BCL7A: variants seen among roughly 807,000 people sequenced by gnomAD.
BCL7A encodes BAF chromatin remodeling complex subunit BCL7A, also known as B-cell CLL/lymphoma 7 protein family member A.
BCL7A carries 11 observed loss-of-function variants against 28.4 expected under a neutral mutation model. The observed-to-expected ratio is 0.39, with a 90% CI of 0.24 to 0.64. The LOEUF (loss-of-function observed/expected upper bound fraction) is 0.64, where lower values mean the gene tolerates loss of function less well. BCL7A is among the 30% of genes least tolerant of loss of function. The pLI is 0.50. For synonymous variants in BCL7A, 123 were observed against 103.3 expected, an observed-to-expected ratio of 1.19 and a Z score of -1.15; for missense variants, 222 against 274.8, an observed-to-expected ratio of 0.81 and a Z score of 1.36.
chr12:122,024,306 G>A (rs2135836028), intron 1 of BCL7A, among the ~76,000 whole-genome samples: 1 of 152,326 alleles, frequency 6.6e-6, no homozygotes, highest in East Asian at 1.9e-4. Flanking sequence ...TGGTGACCCG[G>A]GGTTTTGTGC....
intron 1 of BCL7A, among the ~76,000 whole-genome samples, chr12:122,026,591 G>A (rs1207156062): frequency 6.6e-6 from 1 of 152,244 alleles, no homozygotes; most frequent in Non-Finnish European, 1.5e-5. Context: ...TTGGGCCTGA[G>A]GCCTCCCTCA....
chr12:122,036,070 G>T (rs939471463), intron 3 of BCL7A, among the ~76,000 whole-genome samples: 1 of 151,870 alleles, frequency 6.6e-6, no homozygotes, highest in Non-Finnish European at 1.5e-5. Flanking sequence ...CAAACTCCTC[G>T]CCTCAAGTGA....
At chr12:122,057,266 A>G (rs1057459843) in intron 5 of BCL7A, among the ~76,000 whole-genome samples, 7 of 152,214 alleles carry the variant, frequency 4.6e-5, no homozygotes, top group Admixed American at 6.5e-5. Flanking sequence ...GCCAGCTTGA[A>G]GAACGAAAGA....
chr12:122,056,768 T>G (rs538367833), intron 5 of BCL7A, among the ~76,000 whole-genome samples: 1 of 152,214 alleles, frequency 6.6e-6, no homozygotes, highest in African/African-American at 2.4e-5. Flanking sequence ...ATCCTACCAT[T>G]GCCCTCCAGC....
In BCL7A at chr12:122,059,285, C is replaced by G. The variant is rs1446583093; in HGVS notation, c.*122C>G. 1.1e-6 allele frequency: 1 copy of G among 911,944 alleles called. No individual in the cohort carries two copies. 56.5% of individuals were successfully genotyped at this position (911,944 alleles called of 1,614,324 possible). On this transcript the variant is annotated 3_prime_UTR_variant, in exon 6 of 6. Coordinates refer to ENST00000261822, the MANE Select transcript of BCL7A (RefSeq NM_001024808.3). This position sits in a 1 kb window ranked among gnomAD's most constrained non-coding sequence, Gnocchi z 4.0. ...CAGAACTACTAACGTTTCAAGTTTA[C>G]CAAGTGCAAATCCAAGAAGACCCAG...
At chr12:122,044,343 T>C in intron 4 of BCL7A, 1 of 283,296 alleles carries the variant, frequency 3.5e-6, no homozygotes, top group Non-Finnish European at 6.5e-6. Context: ...ACCTCATCTC[T>C]ACCAAAAAAA....
chr12:122,049,281 G>C (rs1489954294), intron 4 of BCL7A, among the ~76,000 whole-genome samples: 2 of 151,230 alleles, frequency 1.3e-5, no homozygotes, highest in Non-Finnish European at 2.9e-5. Context: ...AGTGTGGTGT[G>C]GCAGGACCAC....
chr12:122,053,713 C>A (rs954984543), intron 4 of BCL7A, among the ~76,000 whole-genome samples: 1 of 150,388 alleles, frequency 6.6e-6, no homozygotes, highest in Admixed American at 6.7e-5. Flanking sequence ...CAGCCTGCAC[C>A]TTCCTTCTGC....
intron 3 of BCL7A, among the ~76,000 whole-genome samples, chr12:122,042,935 A>G (rs1883989536): frequency 6.6e-6 from 1 of 152,074 alleles, no homozygotes; most frequent in African/African-American, 2.4e-5. Context: ...ACAGGATCCA[A>G]ATCATTTCCA....
chr12:122,043,994 G>A lies in BCL7A; in HGVS notation c.380G>A (p.Gly127Asp), dbSNP rs1196337765. ...CCCAACTCGGCTGTGCCCAGCGACG[G>A]CACCGAGGCCAAGGTGGATGAGGCC... ...PEPNSAVPSD[G>D]TEAKVDEAQA... Residue 127 changes from glycine (G) to aspartate (D), a missense_variant, in exon 4 of 6, where the codon GGC becomes GAC. Physicochemically the swap from Gly to Asp is moderately conservative, Grantham distance 94. Coordinates refer to ENST00000261822, the MANE Select transcript of BCL7A (RefSeq NM_001024808.3). 2.5e-6 allele frequency: 4 copies of A among 1,613,976 alleles called. No individual in the cohort carries two copies. The highest frequency in any genetic ancestry group is 2.2e-5 in the East Asian group (1 of 44,872).
At chr12:122,058,900 T>A in intron 5 of BCL7A, among the ~76,000 whole-genome samples, 192 bp from the exon 6 acceptor site, 3 of 152,232 alleles carry the variant, frequency 2.0e-5, no homozygotes, top group Middle Eastern at 3.4e-3. Flanking sequence ...AGGAAGAGTT[T>A]GGGTGTGAGG....
chr12:122,023,375 G>A (rs2135834467), intron 1 of BCL7A, among the ~76,000 whole-genome samples: 1 of 152,330 alleles, frequency 6.6e-6, no homozygotes, highest in Admixed American at 6.5e-5. Flanking sequence ...AGGCCCTGTG[G>A]CAGGGGATGT....
intron 2 of BCL7A, among the ~76,000 whole-genome samples, chr12:122,032,478 A>G (rs528902645): frequency 6.6e-6 from 1 of 152,330 alleles, no homozygotes; most frequent in African/African-American, 2.4e-5. Flanking sequence ...CGTTTGGGGA[A>G]GATAATTATA....
chr12:122,036,536 C>T (rs984715228), intron 3 of BCL7A, among the ~76,000 whole-genome samples: 2 of 152,084 alleles, frequency 1.3e-5, no homozygotes, highest in Non-Finnish European at 1.5e-5. Flanking sequence ...TGAGAGGAAA[C>T]GTGCAAATGA....
chr12:122,044,210 A>G, intron 4 of BCL7A, 157 bp downstream of exon 4: 1 of 885,882 alleles, frequency 1.1e-6, no homozygotes, highest in East Asian at 2.8e-5. Context: ...TCGTGGGGGA[A>G]TTAAAAAAAT....
chr12:122,058,059 T>C (rs1321492377), intron 5 of BCL7A, among the ~76,000 whole-genome samples: 1 of 150,148 alleles, frequency 6.7e-6, no homozygotes, highest in Non-Finnish European at 1.5e-5. Flanking sequence ...CATCCGGGCA[T>C]GGTGGCACAT....
At chr12:122,026,280 A>AG (rs1489060674) in intron 1 of BCL7A, among the ~76,000 whole-genome samples, 1 of 150,632 alleles carries the variant, frequency 6.6e-6, no homozygotes, top group Non-Finnish European at 1.5e-5. Flanking sequence ...AAAAAAAAAA[A>AG]AAAAAGAAAA....
Position 122,029,124 on chromosome 12 carries a change from G to A in BCL7A, c.93-1576G>A, listed in dbSNP as rs1244470049. 2.0e-5 allele frequency among the ~76,000 whole-genome samples: 3 copies of A among 152,178 alleles called. No individual in the cohort carries two copies. Among genetic ancestry groups the A allele is most frequent in the Non-Finnish European group, 4.4e-5 (3 of 68,030 alleles). On this transcript the variant is annotated intron_variant, in intron 1 of 5. Transcript: ENST00000261822. This position sits in a 1 kb window ranked among gnomAD's most constrained non-coding sequence, Gnocchi z 4.3. ...CTGGGAGAATGAGTTCACCTTCACC[G>A]CCCTGTGCCTCGGTTTCTTTATCTG...
At chr12:122,022,913 T>G (rs1883502903) in intron 1 of BCL7A, among the ~76,000 whole-genome samples, 2 of 152,068 alleles carry the variant, frequency 1.3e-5, no homozygotes, top group East Asian at 1.9e-4. Context: ...GGCGGGGGGC[T>G]CGGGCCAGCC....
Sources: gnomAD v4.1 joint callset for allele counts (sites outside exome capture counted in the v4.1 genomes callset) on GRCh38, gnomAD v4.1.1 for gene constraint, Gnocchi (gnomAD v3.1) non-coding constraint, MANE v1.5 for transcripts, NCBI Gene and HGNC (gene_info 2026-07-23, HGNC 2026-07-21) for gene names.